CDH12: variants seen among roughly 807,000 people sequenced by gnomAD.
CDH12 encodes cadherin-12.
CDH12 carries 41 observed loss-of-function variants against 74.1 expected under a neutral mutation model. The ratio of observed to expected loss-of-function variants is 0.55; its 90% CI spans 0.43 to 0.72. The LOEUF is 0.72. CDH12 is among the 30% of genes least tolerant of loss of function. The pLI is 0.00. For missense variants in CDH12, 945 were observed against 977.2 expected (o/e 0.97, Z 0.44); for synonymous variants, 399 against 355.0 (o/e 1.12, Z -1.39).
chr5:22,131,089 T>C (rs1274684779), intron 4 of CDH12, among the ~76,000 whole-genome samples: 2 of 152,142 alleles, frequency 1.3e-5, no homozygotes, highest in Non-Finnish European at 2.9e-5. Context: ...TTATCCATTA[T>C]AATTTTGAGG....
chr5:22,309,301 A>G (rs1192084356), intron 3 of CDH12, among the ~76,000 whole-genome samples: 1 of 152,196 alleles, frequency 6.6e-6, no homozygotes. Context: ...TTAATAGAAC[A>G]ATAACAAAAA....
At chr5:22,141,588 G>T (rs13163588) in intron 4 of CDH12, 3 of 152,194 alleles carry the variant, frequency 2.0e-5, no homozygotes, top group Non-Finnish European at 2.9e-5. Flanking sequence ...ATCTTTTGGG[G>T]TTTTTTCCAT....
intron 1 of CDH12, among the ~76,000 whole-genome samples, chr5:22,624,891 C>A (rs1359061843): frequency 6.6e-6 from 1 of 152,110 alleles, no homozygotes; most frequent in African/African-American, 2.4e-5. Context: ...TTCACAATAG[C>A]AAAGACTTGG....
chr5:22,499,060 T>C (rs980999433), intron 2 of CDH12, among the ~76,000 whole-genome samples: 6 of 151,204 alleles, frequency 4.0e-5, no homozygotes, highest in African/African-American at 1.5e-4. Flanking sequence ...CCTGCTACCA[T>C]ACCCGGCTAA....
intron 2 of CDH12, among the ~76,000 whole-genome samples, chr5:22,478,975 C>A (rs1580691287): frequency 6.6e-6 from 1 of 152,194 alleles, no homozygotes; most frequent in East Asian, 1.9e-4. Context: ...ATTAATATTT[C>A]AAAGTGTTCT....
intron 3 of CDH12, among the ~76,000 whole-genome samples, chr5:22,341,612 A>G (rs2150455311): frequency 1.3e-5 from 2 of 152,264 alleles, no homozygotes; most frequent in South Asian, 2.1e-4. Flanking sequence ...CTGAGCTGTG[A>G]TGGAGCTGTA....
At chr5:22,335,382 G>A (rs540223980) in intron 3 of CDH12, among the ~76,000 whole-genome samples, 2 of 152,112 alleles carry the variant, frequency 1.3e-5, no homozygotes, top group East Asian at 3.9e-4. Flanking sequence ...TCAGGAGATC[G>A]AGACCATCCT....
chr5:21,978,771 T>A (rs1407040127), intron 5 of CDH12, among the ~76,000 whole-genome samples: 1 of 152,110 alleles, frequency 6.6e-6, no homozygotes, highest in Non-Finnish European at 1.5e-5. Flanking sequence ...TATACGCACG[T>A]GTTTATGTGT....
intron 2 of CDH12, among the ~76,000 whole-genome samples, chr5:22,470,495 T>G (rs1437038610): frequency 6.6e-6 from 1 of 152,050 alleles, no homozygotes; most frequent in East Asian, 1.9e-4. Flanking sequence ...CATAGCTCAC[T>G]GCAGCCTGGA....
At chr5:22,397,460 T>G (rs1261398) in intron 3 of CDH12, among the ~76,000 whole-genome samples, 11,578 of 151,794 alleles carry the variant, frequency 0.076, 474 homozygotes, top group South Asian at 0.17. Context: ...TTCCAGGTTT[T>G]TTTTTTTTTT....
chr5:22,289,601 T>G (rs1206563863), intron 3 of CDH12, among the ~76,000 whole-genome samples: 2 of 152,022 alleles, frequency 1.3e-5, no homozygotes, highest in Non-Finnish European at 1.5e-5. Flanking sequence ...TCCAAAGAGA[T>G]AAGAAATCCA....
chr5:21,960,756 T>G (rs1756322899), intron 6 of CDH12, among the ~76,000 whole-genome samples: 1 of 151,944 alleles, frequency 6.6e-6, no homozygotes, highest in African/African-American at 2.4e-5. Context: ...TAGGTATGTC[T>G]GTAATAGGTA....
At chr5:22,621,148 A>T (rs947674935) in intron 1 of CDH12, among the ~76,000 whole-genome samples, 2 of 152,140 alleles carry the variant, frequency 1.3e-5, no homozygotes, top group Non-Finnish European at 2.9e-5. Flanking sequence ...TTCATCTTCA[A>T]AGCCAGCAGC....
chr5:22,698,419 C>T (rs1742498089), intron 1 of CDH12, among the ~76,000 whole-genome samples: 1 of 151,370 alleles, frequency 6.6e-6, no homozygotes, highest in Non-Finnish European at 1.5e-5. Flanking sequence ...CCGTGTCTGG[C>T]CAAAGGCCAG....
chr5:22,580,466 C>T (rs752360454), intron 1 of CDH12: 20 of 508,456 alleles, frequency 3.9e-5, no homozygotes, highest in Non-Finnish European at 6.9e-5. Flanking sequence ...CGACTGCATG[C>T]GTGTCAGACA....
chr5:21,878,940 A>G (rs1752097974), intron 6 of CDH12, among the ~76,000 whole-genome samples: 1 of 150,572 alleles, frequency 6.6e-6, no homozygotes. Flanking sequence ...AAAGAAAGAA[A>G]GGAAAGAAAG....
chr5:22,349,962 C>G (rs1740291145), intron 3 of CDH12, among the ~76,000 whole-genome samples: 1 of 152,146 alleles, frequency 6.6e-6, no homozygotes, highest in Admixed American at 6.5e-5. Context: ...GTACACAGTT[C>G]AAGCCTGCAA....
chr5:22,180,288 T>A (rs910570591), intron 4 of CDH12, among the ~76,000 whole-genome samples: 2 of 152,158 alleles, frequency 1.3e-5, no homozygotes, highest in Non-Finnish European at 1.5e-5. Flanking sequence ...GAAATGACTT[T>A]GTTATCTACT....
chr5:22,341,309 C>T (rs927589020), intron 3 of CDH12, among the ~76,000 whole-genome samples: 3 of 152,076 alleles, frequency 2.0e-5, no homozygotes, highest in African/African-American at 7.2e-5. Context: ...CACAGTGATA[C>T]CCCTATCTCT....
Sources: gnomAD v4.1 joint callset for allele counts (sites outside exome capture counted in the v4.1 genomes callset) on GRCh38, gnomAD v4.1.1 for gene constraint, MANE v1.5 for transcripts, NCBI Gene and HGNC (gene_info 2026-07-23, HGNC 2026-07-21) for gene names.